Variants in SDC2 observed in about 807,000 individuals in gnomAD.
SDC2 encodes the protein syndecan 2.
In SDC2, 13 loss-of-function variants were observed where a neutral mutation model predicts 22.2. The observed-to-expected ratio is 0.59, with a 90% confidence interval of 0.38 to 0.93. SDC2 has a LOEUF of 0.93. Ranked by LOEUF, SDC2 falls within the 40% of genes least tolerant of loss-of-function variation. The pLI, the probability that SDC2 is intolerant of heterozygous loss-of-function variation, is 0.00. For missense variants in SDC2, 235 were observed against 246.8 expected (o/e 0.95, Z 0.32); for synonymous variants, 94 against 92.8 (o/e 1.01, Z -0.07).
intron 1 of SDC2, among the ~76,000 whole-genome samples, chr8:96,506,957 C>T (rs1036168183): frequency 1.4e-5 from 2 of 147,032 alleles, no homozygotes; most frequent in African/African-American, 2.5e-5. Context: ...TGCGGTGAGC[C>T]GAGATCACGC....
chr8:96,592,640 T>G (rs915268802), intron 1 of SDC2, among the ~76,000 whole-genome samples: 1 of 152,198 alleles, frequency 6.6e-6, no homozygotes, highest in Non-Finnish European at 1.5e-5. Context: ...AGGTTGAATT[T>G]TAATACTAAA....
At chr8:96,594,707 G>T (rs757237009) in intron 2 of SDC2, among the ~76,000 whole-genome samples, 5 of 152,158 alleles carry the variant, frequency 3.3e-5, no homozygotes, top group Non-Finnish European at 7.3e-5. Flanking sequence ...TAACAACACA[G>T]GGACTGGGTA....
In SDC2 at chr8:96,547,735, A is replaced by AT. The variant is rs201612267; in HGVS notation, c.61-45732dup. On this transcript the variant is annotated intron_variant, in intron 1 of 4. Transcript: ENST00000302190. The stretch of plus-strand genomic sequence containing the variant: ...TTGACTTGGTATGGATCCTTGTTTG[A>AT]TTTTTTTTTTTTTAAATTTTTATGT... Among the ~76,000 whole-genome samples the AT allele has an allele frequency of 1.2e-3, 176 of 145,200 alleles. 2 individuals are homozygous for AT. The highest frequency in any genetic ancestry group is 3.6e-3 in the Middle Eastern group (1 of 274).
At chr8:96,528,108 A>G (rs1026520947) in intron 1 of SDC2, among the ~76,000 whole-genome samples, 1 of 152,170 alleles carries the variant, frequency 6.6e-6, no homozygotes, top group Non-Finnish European at 1.5e-5. Context: ...AGATTATTTG[A>G]TGAAGGGGGT....
intron 1 of SDC2, chr8:96,584,899 A>T (rs534887890): frequency 6.6e-6 from 1 of 152,340 alleles, no homozygotes; most frequent in African/African-American, 2.4e-5. Context: ...GCGTTGCTTT[A>T]GTATACATTG....
At chr8:96,582,276 A>G (rs561088169) in intron 1 of SDC2, among the ~76,000 whole-genome samples, 108 of 151,310 alleles carry the variant, frequency 7.1e-4, no homozygotes, top group Non-Finnish European at 1.3e-3. Context: ...ACCCAGGGCT[A>G]TGAGTCTTGG....
intron 1 of SDC2, among the ~76,000 whole-genome samples, chr8:96,494,698 G>C (rs983261912): frequency 5.3e-5 from 8 of 152,118 alleles, no homozygotes; most frequent in Admixed American, 1.3e-4. Context: ...TCGGGCCCGC[G>C]AGGGAACGGC....
At chr8:96,564,249 T>C (rs192334533) in intron 1 of SDC2, among the ~76,000 whole-genome samples, 92 of 152,324 alleles carry the variant, frequency 6.0e-4, no homozygotes, top group African/African-American at 2.0e-3. Context: ...TCATTAGTGT[T>C]GGCGGGGAAA....
At chr8:96,502,426 G>A (rs112788475) in intron 1 of SDC2, among the ~76,000 whole-genome samples, 178 of 152,302 alleles carry the variant, frequency 1.2e-3, no homozygotes, top group African/African-American at 4.1e-3. Context: ...ACAAGCCAGT[G>A]TAACATAAAG....
At position 96,493,998 on chromosome 8, in the gene SDC2, C is replaced by A. The variant is rs1813003809; in HGVS notation, c.-274C>A. The A allele has an allele frequency of 1.9e-6, 1 of 519,202 alleles. No individual in the cohort carries two copies. The highest frequency in any genetic ancestry group is 3.6e-5 in the East Asian group (1 of 28,048). The allele number at this position is 519,202 out of a possible 1,614,324, so 32.2% of individuals were successfully genotyped here. Reference sequence around the variant, plus strand: ...GAGCAAGAAGAGCTTCAGAGAGCAGCCTTCCCGGAGCACCAACTCCGTGTC... The same window carrying A: ...GAGCAAGAAGAGCTTCAGAGAGCAGACTTCCCGGAGCACCAACTCCGTGTC... On this transcript the variant is annotated 5_prime_UTR_variant, in exon 1 of 5. Transcript: ENST00000302190.
chr8:96,577,109 T>A (rs937224676), intron 1 of SDC2, among the ~76,000 whole-genome samples: 2 of 152,232 alleles, frequency 1.3e-5, no homozygotes, highest in African/African-American at 4.8e-5. Context: ...GCTTTCTTGC[T>A]TGATGGAACA....
chr8:96,597,740 G>T (rs1372606221), intron 2 of SDC2, among the ~76,000 whole-genome samples: 2 of 152,160 alleles, frequency 1.3e-5, no homozygotes, highest in Admixed American at 1.3e-4. Context: ...AGCTCATTTG[G>T]AAGGTGAGAA....
chr8:96,611,545 A>G lies in SDC2; in HGVS notation c.*1997A>G, dbSNP rs567068811. The stretch of plus-strand genomic sequence containing the variant: ...AATTCACTTTAGAGTGACTAAAAGG[A>G]AACGATAGCCTAGCTTTCTAAAGCC... On this transcript the variant is annotated 3_prime_UTR_variant, in exon 5 of 5. Transcript: ENST00000302190. 2.0e-5 allele frequency: 3 copies of G among 152,754 alleles called. No individual in the cohort carries two copies. Among genetic ancestry groups the G allele is most frequent in the Admixed American group, 6.5e-5 (1 of 15,286 alleles). The allele number at this position is 152,754 out of a possible 1,614,324, so 9.5% of individuals were successfully genotyped here.
intron 1 of SDC2, among the ~76,000 whole-genome samples, chr8:96,584,327 T>G (rs1814645397): frequency 1.3e-5 from 2 of 152,254 alleles, no homozygotes; most frequent in Admixed American, 6.5e-5. Context: ...GTAAGCTTTC[T>G]GTGGCATTCT....
intron 1 of SDC2, among the ~76,000 whole-genome samples, chr8:96,505,443 A>G (rs1259522175): frequency 1.3e-5 from 2 of 152,040 alleles, no homozygotes; most frequent in Admixed American, 1.3e-4. Flanking sequence ...AGCTGGGACT[A>G]CAGGTGCACC....
At chr8:96,516,650 T>C (rs911080123) in intron 1 of SDC2, among the ~76,000 whole-genome samples, 1 of 152,230 alleles carries the variant, frequency 6.6e-6, no homozygotes, top group Non-Finnish European at 1.5e-5. Context: ...ATTTGCCTAT[T>C]GTGGACATTT....
chr8:96,496,482 A>C (rs1813076752), intron 1 of SDC2, among the ~76,000 whole-genome samples: 1 of 152,238 alleles, frequency 6.6e-6, no homozygotes, highest in Non-Finnish European at 1.5e-5. Flanking sequence ...AGTCTTTCTA[A>C]ATAGAAGCTG....
At chr8:96,569,166 TC>T (rs2130578500) in intron 1 of SDC2, among the ~76,000 whole-genome samples, 1 of 152,132 alleles carries the variant, frequency 6.6e-6, no homozygotes, top group South Asian at 2.1e-4. Context: ...CACCAACACG[TC>T]CGGATAATTT....
At chr8:96,605,430 A>C (rs577958870) in intron 3 of SDC2, among the ~76,000 whole-genome samples, 100 of 152,326 alleles carry the variant, frequency 6.6e-4, no homozygotes, top group African/African-American at 2.4e-3. Context: ...GTCTTTCCAC[A>C]AGGCAGCCAA....
Sources: allele counts gnomAD v4.1 joint callset (sites outside exome capture counted in the v4.1 genomes callset), GRCh38; gene constraint gnomAD v4.1.1; transcripts MANE v1.5; gene names NCBI Gene and HGNC (gene_info 2026-07-23, HGNC 2026-07-21).